The following FAM184B variants were observed in gnomAD, a reference collection of about 807,000 sequenced individuals.
The protein encoded by FAM184B is family with sequence similarity 184 member B.
In FAM184B, 111 loss-of-function variants were observed where a neutral mutation model predicts 135.9. That is an observed-to-expected ratio of 0.82 (90% confidence interval 0.70 to 0.96). The LOEUF (loss-of-function observed/expected upper bound fraction) is 0.96. Ranked by LOEUF, FAM184B falls within the 40% of genes least tolerant of loss-of-function variation. The pLI is 0.00. For missense variants in FAM184B, 1,375 were observed against 1,323.9 expected, an observed-to-expected ratio of 1.04 and a Z score of -0.60; for synonymous variants, 552 against 524.8, an observed-to-expected ratio of 1.05 and a Z score of -0.71.
Position 17,658,478 on chromosome 4 carries a change from C to T in FAM184B, c.1909G>A (p.Glu637Lys), listed in dbSNP as rs1715832408. Residue 637 changes from glutamate to lysine, a missense_variant, in exon 10 of 18, where the codon GAG becomes AAG. Glu to Lys is a moderately conservative substitution (Grantham distance 56). Transcript: ENST00000265018. ...LQALKQLSDLEREKLQRELQE... is the reference protein window; with the variant it reads ...LQALKQLSDLKREKLQRELQE... The stretch of plus-strand genomic sequence containing the variant: ...AGCTCACGCTGCAGCTTCTCCCTCT[C>T]CAGGTCCGAGAGCTGCTTGAGTGCC... 2.6e-5 allele frequency: 40 copies of T among 1,551,556 alleles called. No homozygotes were observed. The highest frequency in any genetic ancestry group is 3.4e-5 in the Non-Finnish European group (39 of 1,146,920).
At chr4:17,761,132 A>G (rs1180258014) in intron 1 of FAM184B, among the ~76,000 whole-genome samples, 1 of 152,174 alleles carries the variant, frequency 6.6e-6, no homozygotes, top group Non-Finnish European at 1.5e-5. Context: ...CAGGGTGAGA[A>G]GCCTGCCCTA....
At chr4:17,670,070 C>T (rs1045229930) in intron 7 of FAM184B, among the ~76,000 whole-genome samples, 1 of 152,120 alleles carries the variant, frequency 6.6e-6, no homozygotes, top group African/African-American at 2.4e-5. Flanking sequence ...GATGACATTG[C>T]AAGAACATTA....
At chr4:17,649,885 C>CATCCATCCATCCATCCATCT (rs368626494) in intron 11 of FAM184B, among the ~76,000 whole-genome samples, 5 of 150,786 alleles carry the variant, frequency 3.3e-5, no homozygotes, top group African/African-American at 1.2e-4. Flanking sequence ...TCCATCCACC[C>CATCCATCCATCCATCCATCT]ATCTATCTGT....
At chr4:17,635,212 G>T in intron 15 of FAM184B, 99 bp from the exon 16 acceptor site, 1 of 890,450 alleles carries the variant, frequency 1.1e-6, no homozygotes, top group South Asian at 1.6e-5. Context: ...GAGAAGGAAA[G>T]TCCAGGGGAG....
intron 1 of FAM184B, among the ~76,000 whole-genome samples, chr4:17,773,701 C>G (rs913100259): frequency 2.0e-5 from 3 of 152,192 alleles, no homozygotes; most frequent in African/African-American, 4.8e-5. Context: ...CCTCAGCCTC[C>G]TGAGTAGCTG....
chr4:17,685,286 C>T (rs1237151990), intron 7 of FAM184B, among the ~76,000 whole-genome samples: 5 of 150,412 alleles, frequency 3.3e-5, no homozygotes, highest in Admixed American at 1.3e-4. Flanking sequence ...CAGGTTGGCT[C>T]ACACCTGTAA....
intron 1 of FAM184B, among the ~76,000 whole-genome samples, chr4:17,752,386 G>A (rs749600119): frequency 2.6e-5 from 4 of 152,066 alleles, no homozygotes; most frequent in Non-Finnish European, 5.9e-5. Context: ...GGGAGGAGCA[G>A]GCAATGAAAA....
Position 17,660,008 on chromosome 4 carries a change from G to C in FAM184B, c.1774C>G (p.Gln592Glu). The C allele has an allele frequency of 6.4e-7, 1 of 1,551,526 alleles. No individual in the cohort carries two copies. Residue 592 changes from glutamine to glutamate, a missense_variant, in exon 9 of 18, where the codon CAG (glutamine) becomes GAG (glutamate). Gln to Glu is a conservative substitution (Grantham distance 29). Transcript: ENST00000265018. The stretch of plus-strand genomic sequence containing the variant: ...CTTTGCCAGTCCTCCTCTAGACGCT[G>C]GATTTTGGATGTTTTCTCCTTCAAC... ...SLLKEKTSKIQRLEEDWQSQK... is the reference protein window; with the variant it reads ...SLLKEKTSKIERLEEDWQSQK...
chr4:17,741,030 C>T (rs1427386787), intron 1 of FAM184B, among the ~76,000 whole-genome samples: 2 of 152,134 alleles, frequency 1.3e-5, no homozygotes, highest in African/African-American at 2.4e-5. Context: ...TCTGCTTATG[C>T]GCACATCTCT....
At chr4:17,736,104 A>G (rs1214373645) in intron 1 of FAM184B, among the ~76,000 whole-genome samples, 3 of 152,150 alleles carry the variant, frequency 2.0e-5, no homozygotes, top group Admixed American at 2.0e-4. Context: ...ACCTTCTCTC[A>G]TGTGATTCTT....
intron 7 of FAM184B, among the ~76,000 whole-genome samples, chr4:17,688,100 C>T (rs888358435): frequency 4.6e-5 from 7 of 152,138 alleles, no homozygotes; most frequent in Non-Finnish European, 8.8e-5. Flanking sequence ...TACTGGGGTT[C>T]GTGCTGGGCA....
chr4:17,639,417 G>C, intron 13 of FAM184B, 21 bp from the exon 14 acceptor site: 1 of 1,550,560 alleles, frequency 6.4e-7, no homozygotes, highest in South Asian at 1.2e-5. Flanking sequence ...TGAAAGCACA[G>C]CCAGGCTTGC....
At position 17,649,727 on chromosome 4, in the gene FAM184B, C is replaced by A. The variant is rs190996934; in HGVS notation, c.2192-1936G>T. 2.6e-3 allele frequency among the ~76,000 whole-genome samples: 403 copies of A among 152,250 alleles called. 4 individuals carry two copies. The highest frequency in any genetic ancestry group is 1.3e-3 in the Non-Finnish European group (88 of 68,028). On this transcript the variant is annotated intron_variant, in intron 11 of 17. Transcript: ENST00000265018. ...ATCACAAGATATATGCAATAAAACTCTTTACCAAATCATAAATTATAGGGT... is the reference window on the plus strand; with the variant it reads ...ATCACAAGATATATGCAATAAAACTATTTACCAAATCATAAATTATAGGGT...
intron 10 of FAM184B, among the ~76,000 whole-genome samples, chr4:17,653,930 G>GAGAGAGAGAGAGAGAGA (rs1402544369): frequency 7.4e-6 from 1 of 135,778 alleles, no homozygotes; most frequent in South Asian, 2.9e-4. Flanking sequence ...GGGAGGGGGA[G>GAGAGAGAGAGAGAGAGA]GGGGATTTGA....
intron 2 of FAM184B, 118 bp downstream of exon 2, chr4:17,708,774 T>C (rs1717178447): frequency 2.1e-6 from 2 of 974,186 alleles, no homozygotes; most frequent in Non-Finnish European, 2.8e-6. Context: ...ATGGAGATAA[T>C]AGGGCTCACC....
chr4:17,771,527 A>G (rs2108997715), intron 1 of FAM184B, among the ~76,000 whole-genome samples: 1 of 152,338 alleles, frequency 6.6e-6, no homozygotes, highest in African/African-American at 2.4e-5. Context: ...CTAGAGTCCT[A>G]AAGCAAACTG....
Position 17,636,560 on chromosome 4 carries a change from T to G in FAM184B, c.2752A>C (p.Lys918Gln), listed in dbSNP as rs1560163345. The part of the protein sequence containing the change: ...QLIGRLQTRL[K>Q]EREDIIKQLT... ...TGCTTGATGATGTCCTCTCTCTCCTTCAGGCGGGTCTGCAGGCGGCCAATG... is the reference window on the plus strand; with the variant it reads ...TGCTTGATGATGTCCTCTCTCTCCTGCAGGCGGGTCTGCAGGCGGCCAATG... Residue 918 changes from lysine (K) to glutamine (Q), a missense_variant, in exon 15 of 18, where the codon AAG becomes CAG. Transcript: ENST00000265018. 2.6e-6 allele frequency: 4 copies of G among 1,551,026 alleles called. 1 individual carries two copies. The South Asian group carries it at 4.8e-5, about 18-fold the overall frequency.
intron 13 of FAM184B, among the ~76,000 whole-genome samples, chr4:17,640,111 CG>C (rs79941076): frequency 0.53 from 79,374 of 150,868 alleles, 23,367 homozygotes; most frequent in East Asian, 0.89. Context: ...GGATTACACG[CG>C]TGAGCCACCA....
intron 1 of FAM184B, among the ~76,000 whole-genome samples, chr4:17,726,355 A>T (rs577405378): frequency 6.6e-6 from 1 of 152,114 alleles, no homozygotes; most frequent in East Asian, 1.9e-4. Flanking sequence ...CTCTTAAATG[A>T]TGTCTTTTTG....
Sources: allele counts gnomAD v4.1 joint callset (sites outside exome capture counted in the v4.1 genomes callset), GRCh38; gene constraint gnomAD v4.1.1; transcripts MANE v1.5; gene names NCBI Gene and HGNC (gene_info 2026-07-23, HGNC 2026-07-21).